USP50: variants seen among roughly 807,000 people sequenced by gnomAD.
The protein encoded by USP50 is ubiquitin specific peptidase 50.
A neutral mutation model predicts 39.2 loss-of-function variants in USP50; 37 were observed. The ratio of observed to expected loss-of-function variants is 0.94; its 90% CI spans 0.73 to 1.24. The LOEUF is 1.24. Ranked by LOEUF, USP50 falls within the 50% of genes most tolerant of loss-of-function variation. The pLI, the probability that USP50 is intolerant of heterozygous loss-of-function variation, is 0.00. For synonymous variants in USP50, 139 were observed against 144.5 expected (o/e 0.96, Z 0.27); for missense variants, 374 against 398.2 (o/e 0.94, Z 0.52).
At position 50,500,756 on chromosome 15, in the gene USP50, T is replaced by TTG. The variant is rs779629604; in HGVS notation, c.*12_*13insCA. 6.3e-7 allele frequency: 1 copy of TTG among 1,580,080 alleles called. No homozygotes were observed. Among genetic ancestry groups the TTG allele is most frequent in the Admixed American group, 1.8e-5 (1 of 54,578 alleles). ...TCTGGAATCTCACTGACTCGTGTGT[T>TTG]ATCAAAGCTATATCAGGCCTGGGTG... On this transcript the variant is annotated 3_prime_UTR_variant, in exon 7 of 7. Coordinates refer to ENST00000532404, the MANE Select transcript of USP50 (RefSeq NM_203494.5).
Position 50,541,160 on chromosome 15 carries a change from C to T in USP50, c.549G>A (p.Glu183=). The part of the protein sequence containing the change: ...ETSIITQLFE[E]QLNYSIVCLK... ...AACATACGATGCTATAATTGAGCTG[C>T]TCTTCAAACAGCTGGGTGATGATGG... Residue 183 remains glutamate, a synonymous_variant, in exon 4 of 7, where the codon GAG becomes GAA. Coordinates refer to ENST00000532404, the MANE Select transcript of USP50 (RefSeq NM_203494.5). The T allele has an allele frequency of 3.1e-6, 5 of 1,613,634 alleles. No homozygotes were observed. Among genetic ancestry groups the T allele is most frequent in the Non-Finnish European group, 4.2e-6 (5 of 1,179,598 alleles).
downstream of USP50, chr15:50,496,969 CTT>C: frequency 1.5e-6 from 2 of 1,317,474 alleles, no homozygotes; most frequent in Non-Finnish European, 2.1e-6. Context: ...GGCAGGAACT[CTT>C]TTGTGTAGAT....
At chr15:50,538,654 T>C (rs1381522014) in intron 5 of USP50, 55 bp downstream of exon 5, 2 of 1,473,952 alleles carry the variant, frequency 1.4e-6, no homozygotes, top group Non-Finnish European at 1.8e-6. Flanking sequence ...ATGTGAATTT[T>C]ATCTCTATAA....
chr15:50,504,162 G>A (rs1052561775), intron 6 of USP50: 13 of 152,214 alleles, frequency 8.5e-5, no homozygotes, highest in African/African-American at 2.9e-4. Context: ...TATTTATATT[G>A]TATTAGATAT....
chr15:50,523,464 C>T (rs1197236988), intron 6 of USP50, among the ~76,000 whole-genome samples: 3 of 151,998 alleles, frequency 2.0e-5, no homozygotes, highest in Non-Finnish European at 1.5e-5. Context: ...TAAGCCACTG[C>T]ATCCGGCTAC....
downstream of USP50, chr15:50,499,681 C>A (rs2052542885): frequency 6.6e-6 from 1 of 151,232 alleles, no homozygotes; most frequent in Non-Finnish European, 1.5e-5. Context: ...TATTTGTGCA[C>A]TAAATCTTTA....
intron 6 of USP50, chr15:50,503,350 C>G (rs78444615): frequency 4.0e-4 from 61 of 152,448 alleles, no homozygotes; most frequent in Non-Finnish European, 5.9e-4. Context: ...AATTTAACAA[C>G]AGTATGGTGT....
At chr15:50,496,018 T>C, downstream of USP50, 1 of 1,614,086 alleles carries the variant, frequency 6.2e-7, no homozygotes, top group South Asian at 1.1e-5. Flanking sequence ...ACAAAAAGTC[T>C]AGGACATTTG....
rs1163427241 is a variant in USP50 at position 50,495,302 on chromosome 15, ACG to A, written n.185-1174_185-1173del. Among the ~76,000 whole-genome samples the A allele has an allele frequency of 1.0e-3, 69 of 67,626 alleles. 2 individuals carry two copies. Among genetic ancestry groups the A allele is most frequent in the African/African-American group, 3.8e-3 (56 of 14,572 alleles). The allele number at this position is 67,626 out of a possible 152,430, so 44.4% of individuals were successfully genotyped here. A position where few individuals can be genotyped will look rare whatever the true frequency, so the allele number is the denominator to read the frequency against. On this transcript the variant is annotated intron_variant and non_coding_transcript_variant, in intron 1 of 1. Coordinates refer to the USP50 transcript ENST00000560159. ...TATACACATACATATATACATATAT[ACG>A]TGTATATATACATACATATATACAC... is the stretch of plus-strand genomic sequence containing the variant.
chr15:50,519,320 G>A (rs1207092861), intron 6 of USP50, among the ~76,000 whole-genome samples: 2 of 151,696 alleles, frequency 1.3e-5, no homozygotes, highest in African/African-American at 4.8e-5. Context: ...AAAAAAAAGT[G>A]TGCAAAGGAC....
chr15:50,539,891 C>G (rs2053015283), intron 4 of USP50, among the ~76,000 whole-genome samples: 1 of 152,160 alleles, frequency 6.6e-6, no homozygotes, highest in Admixed American at 6.6e-5. Context: ...GTGGCCAGCT[C>G]CTTGGTTCTG....
At chr15:50,525,656 G>GTATATATGTATATGTGTATAT (rs2052888893) in intron 6 of USP50, among the ~76,000 whole-genome samples, 1 of 75,500 alleles carries the variant, frequency 1.3e-5, no homozygotes, top group African/African-American at 4.8e-5. Context: ...ATATGTATAT[G>GTATATATGTATATGTGTATAT]TATATATGTA....
intron 6 of USP50, among the ~76,000 whole-genome samples, chr15:50,529,554 C>T (rs139555848): frequency 6.6e-6 from 1 of 152,074 alleles, no homozygotes; most frequent in African/African-American, 2.4e-5. Context: ...GCACAATTTG[C>T]AGTATCCTTA....
chr15:50,539,449 C>A (rs2053011935), intron 4 of USP50, among the ~76,000 whole-genome samples: 1 of 148,952 alleles, frequency 6.7e-6, no homozygotes, highest in Non-Finnish European at 1.5e-5. Context: ...GACGGAGTCT[C>A]CCTCTGTCGC....
chr15:50,522,066 G>T (rs1211013152), intron 6 of USP50, among the ~76,000 whole-genome samples: 3 of 152,128 alleles, frequency 2.0e-5, no homozygotes, highest in African/African-American at 4.8e-5. Context: ...AAATTGGATA[G>T]TCTAGAAGAA....
chr15:50,519,530 C>T (rs57536106), intron 6 of USP50, among the ~76,000 whole-genome samples: 3,776 of 151,762 alleles, frequency 0.025, 196 homozygotes, highest in African/African-American at 0.087. Context: ...TTGGCTAACC[C>T]GGTGAAACCC....
At chr15:50,511,880 C>G (rs2052742559) in intron 6 of USP50, 1 of 152,164 alleles carries the variant, frequency 6.6e-6, no homozygotes, top group South Asian at 2.1e-4. Context: ...CACCTGTGGT[C>G]CCAGCTACTC....
chr15:50,522,307 C>A (rs984808314), intron 6 of USP50, among the ~76,000 whole-genome samples: 8 of 152,222 alleles, frequency 5.3e-5, no homozygotes, highest in African/African-American at 1.9e-4. Flanking sequence ...TGCCTGTAGT[C>A]CCAGCTACTA....
At chr15:50,507,476 A>G (rs1286606787) in intron 6 of USP50, 1 of 152,212 alleles carries the variant, frequency 6.6e-6, no homozygotes, top group African/African-American at 2.4e-5. Flanking sequence ...TGAAGTAGCT[A>G]TACATCAGCT....
Sources: allele counts gnomAD v4.1 joint callset (sites outside exome capture counted in the v4.1 genomes callset), GRCh38; gene constraint gnomAD v4.1.1; transcripts MANE v1.5; gene names NCBI Gene and HGNC (gene_info 2026-07-23, HGNC 2026-07-21).